Variants in PSMA1 observed in about 807,000 individuals in gnomAD.
PSMA1 encodes proteasome 20S subunit alpha 1, also known as proteasome subunit alpha type-1.
Under a neutral mutation model 38.4 loss-of-function variants are expected in PSMA1, and 3 were observed. The observed-to-expected ratio is 0.08, with a 90% CI of 0.04 to 0.20. PSMA1 has a LOEUF of 0.20. PSMA1 is among the 10% of genes least tolerant of loss of function. PSMA1 has a pLI of 1.00. For missense variants in PSMA1, 227 were observed against 325.3 expected, an observed-to-expected ratio of 0.70 and a Z score of 2.32; for synonymous variants, 101 against 107.1, an observed-to-expected ratio of 0.94 and a Z score of 0.35.
intron 2 of PSMA1, among the ~76,000 whole-genome samples, chr11:14,518,440 G>A (rs1029077878): frequency 6.6e-6 from 1 of 152,094 alleles, no homozygotes; most frequent in South Asian, 2.1e-4. Context: ...TATATTTAAC[G>A]TATGCAACAT....
intron 2 of PSMA1, among the ~76,000 whole-genome samples, chr11:14,563,694 T>TA (rs983931727): frequency 2.1e-4 from 32 of 150,932 alleles, no homozygotes; most frequent in South Asian, 4.2e-4. Flanking sequence ...GCAGATAAGC[T>TA]AAAAAAAAAT....
chr11:14,506,249 C>A (rs556515684), intron 9 of PSMA1, among the ~76,000 whole-genome samples: 1 of 152,220 alleles, frequency 6.6e-6, no homozygotes, highest in South Asian at 2.1e-4. Flanking sequence ...ACCATTTTAT[C>A]GTACTTTGCA....
At chr11:14,553,094 G>A (rs765923422) in intron 2 of PSMA1, among the ~76,000 whole-genome samples, 2 of 151,756 alleles carry the variant, frequency 1.3e-5, no homozygotes, top group African/African-American at 2.4e-5. Context: ...CAAAGTGCTG[G>A]GATTACAGGT....
chr11:14,589,957 T>C (rs1284926858), intron 2 of PSMA1, among the ~76,000 whole-genome samples: 10 of 152,180 alleles, frequency 6.6e-5, no homozygotes, highest in South Asian at 2.1e-4. Context: ...TGTTCACTGA[T>C]GGATGAATGG....
intron 2 of PSMA1, among the ~76,000 whole-genome samples, chr11:14,569,303 C>G (rs1852110243): frequency 6.6e-6 from 1 of 152,106 alleles, no homozygotes; most frequent in South Asian, 2.1e-4. Flanking sequence ...ATGAGCGACG[C>G]AGAAGACGGG....
chr11:14,608,307 T>A (rs969070450), intron 2 of PSMA1, among the ~76,000 whole-genome samples: 1 of 151,902 alleles, frequency 6.6e-6, no homozygotes, highest in Non-Finnish European at 1.5e-5. Context: ...GCTATGAGCC[T>A]GGGTGCACTT....
At chr11:14,569,595 G>A (rs967293867) in intron 2 of PSMA1, among the ~76,000 whole-genome samples, 4 of 152,188 alleles carry the variant, frequency 2.6e-5, no homozygotes, top group East Asian at 1.9e-4. Flanking sequence ...CCACACCCAC[G>A]GAGCCTCACT....
At chr11:14,639,270 G>C (rs2133727715) in intron 1 of PSMA1, among the ~76,000 whole-genome samples, 1 of 152,122 alleles carries the variant, frequency 6.6e-6, no homozygotes, top group South Asian at 2.1e-4. Flanking sequence ...AGGAAAAAGG[G>C]TTCTTTTAGT....
At chr11:14,528,467 A>C (rs1358853812) in intron 2 of PSMA1, among the ~76,000 whole-genome samples, 1 of 152,058 alleles carries the variant, frequency 6.6e-6, no homozygotes, top group African/African-American at 2.4e-5. Context: ...TCTTCAGTTG[A>C]ATCTCTCCCA....
chr11:14,636,269 G>A (rs1853112115), intron 1 of PSMA1, among the ~76,000 whole-genome samples: 1 of 152,080 alleles, frequency 6.6e-6, no homozygotes, highest in Admixed American at 6.6e-5. Context: ...TCATTGTCAG[G>A]TTTCATTGAC....
intron 1 of PSMA1, among the ~76,000 whole-genome samples, chr11:14,633,847 G>A (rs1312450485): frequency 2.0e-5 from 3 of 152,274 alleles, no homozygotes; most frequent in Non-Finnish European, 2.9e-5. Flanking sequence ...GTGATGCGCC[G>A]TTTTTTAAGT....
intron 1 of PSMA1, among the ~76,000 whole-genome samples, chr11:14,616,231 GTTTTTTTTTTTTTT>G (rs34292683): frequency 7.9e-6 from 1 of 126,686 alleles, no homozygotes. Context: ...GATCCCAACA[GTTTTTTTTTTTTTT>G]TTTTTTGAGA....
intron 1 of PSMA1, among the ~76,000 whole-genome samples, chr11:14,621,684 A>G (rs1004275128): frequency 6.6e-6 from 1 of 152,188 alleles, no homozygotes; most frequent in Non-Finnish European, 1.5e-5. Context: ...CTTTCTTTCC[A>G]GCTTTACAAT....
intron 2 of PSMA1, among the ~76,000 whole-genome samples, chr11:14,579,331 C>T (rs770998722): frequency 2.6e-5 from 4 of 152,176 alleles, no homozygotes; most frequent in South Asian, 2.1e-4. Context: ...CTTCTAGCTA[C>T]GTAACGGCGA....
At chr11:14,538,238 A>G (rs560189458) in intron 2 of PSMA1, among the ~76,000 whole-genome samples, 3 of 152,268 alleles carry the variant, frequency 2.0e-5, no homozygotes, top group African/African-American at 7.2e-5. Context: ...GCTGTCTCCA[A>G]CCTTCTTTGC....
chr11:14,606,097 G>C (rs566999429), intron 2 of PSMA1, among the ~76,000 whole-genome samples: 21 of 152,268 alleles, frequency 1.4e-4, no homozygotes, highest in South Asian at 1.2e-3. Context: ...CCTGCATATG[G>C]CTAGCCAGCT....
chr11:14,514,333 C>A, intron 5 of PSMA1, 70 bp downstream of exon 5: 1 of 1,483,838 alleles, frequency 6.7e-7, no homozygotes. Context: ...TTATTATATT[C>A]CTAATAATTA....
chr11:14,585,282 C>G (rs1195985622), intron 2 of PSMA1, among the ~76,000 whole-genome samples: 1 of 152,074 alleles, frequency 6.6e-6, no homozygotes, highest in East Asian at 1.9e-4. Context: ...CTGAACAGGT[C>G]TCTTTCTTCA....
intron 2 of PSMA1, among the ~76,000 whole-genome samples, chr11:14,533,521 C>G (rs1346425663): frequency 2.6e-5 from 4 of 152,056 alleles, no homozygotes; most frequent in Non-Finnish European, 5.9e-5. Flanking sequence ...AGATGGGAAT[C>G]TTAGCTATTC....
Sources: allele counts gnomAD v4.1 joint callset (sites outside exome capture counted in the v4.1 genomes callset), GRCh38; gene constraint gnomAD v4.1.1; transcripts MANE v1.5; gene names NCBI Gene and HGNC (gene_info 2026-07-23, HGNC 2026-07-21).